Variants in ELMO1 observed in about 807,000 individuals in gnomAD.
The protein encoded by ELMO1 is engulfment and cell motility 1, also known as engulfment and cell motility protein 1.
ELMO1 carries 26 observed loss-of-function variants against 98.9 expected under a neutral mutation model. The ratio of observed to expected loss-of-function variants is 0.26; its 90% CI spans 0.19 to 0.36. The LOEUF (loss-of-function observed/expected upper bound fraction) is 0.36, where lower values mean the gene tolerates loss of function less well. ELMO1 is among the 10% of genes least tolerant of loss of function. The pLI is 1.00. For synonymous variants in ELMO1, 346 were observed against 346.0 expected (o/e 1.00, Z 0.00); for missense variants, 627 against 935.2 (o/e 0.67, Z 4.30).
chr7:36,973,759 G>C (rs1044296786), intron 16 of ELMO1, among the ~76,000 whole-genome samples: 1 of 152,192 alleles, frequency 6.6e-6, no homozygotes, highest in African/African-American at 2.4e-5. Flanking sequence ...AGGCGCGAGC[G>C]GGAACCGGGG....
chr7:37,111,016 A>G (rs1486379361), intron 14 of ELMO1, among the ~76,000 whole-genome samples: 1 of 152,026 alleles, frequency 6.6e-6, no homozygotes, highest in Non-Finnish European at 1.5e-5. Flanking sequence ...TCATTCTCCT[A>G]CCCCGTTTAC....
At chr7:37,364,064 C>A (rs1219006459) in intron 1 of ELMO1, among the ~76,000 whole-genome samples, 1 of 152,198 alleles carries the variant, frequency 6.6e-6, no homozygotes, top group Non-Finnish European at 1.5e-5. Flanking sequence ...GGCCTTAGGC[C>A]TCTCTGACAT....
At chr7:37,155,499 A>ATT (rs1554427429) in intron 13 of ELMO1, among the ~76,000 whole-genome samples, 39 of 131,786 alleles carry the variant, frequency 3.0e-4, no homozygotes, top group African/African-American at 8.8e-4. Context: ...AAAAAAAAAA[A>ATT]AAAAAAAAAG....
rs1563087905 is a variant in ELMO1, at chr7:37,225,005, G to A, written c.575C>T (p.Ala192Val). Residue 192 changes from alanine (A) to valine (V), a missense_variant, in exon 9 of 22, where the codon GCC becomes GTC. Ala to Val is a moderately conservative substitution (Grantham distance 64). This residue lies in a region of ELMO1 where 492 missense variants were observed against 715.6 expected (regional missense o/e 0.69). Transcript: ENST00000310758. ...CCGCTGCAGGATCGAGATGTCTATG[G>A]CTGACTTGTTCACAAAACTTGCTAT... The part of the protein sequence containing the change: ...KKIASFVNKS[A>V]IDISILQRSL... The A allele has an allele frequency of 6.2e-7, 1 of 1,614,092 alleles. No individual in the cohort carries two copies. The highest frequency in any genetic ancestry group is 1.7e-5 in the Admixed American group (1 of 60,014).
chr7:36,964,781 C>A lies in ELMO1; in HGVS notation c.1437+48518G>T, dbSNP rs115718980. ...CAAATGAACCTGCGCATACACAACG[C>A]ATACGTGAGTTACCACAAAGCCATT... is the stretch of plus-strand genomic sequence containing the variant. On this transcript the variant is annotated intron_variant, in intron 16 of 21. Transcript: ENST00000310758. 4.3e-3 allele frequency among the ~76,000 whole-genome samples: 649 copies of A among 152,286 alleles called. 11 individuals are homozygous for A. Among genetic ancestry groups the A allele is most frequent in the African/African-American group, 0.015 (619 of 41,554 alleles).
At chr7:36,909,564 A>C (rs1784202685) in intron 16 of ELMO1, among the ~76,000 whole-genome samples, 1 of 152,244 alleles carries the variant, frequency 6.6e-6, no homozygotes, top group Admixed American at 6.5e-5. Context: ...TGATCATTTA[A>C]ATTAATTGGT....
At chr7:37,238,908 C>G (rs992714910) in intron 7 of ELMO1, among the ~76,000 whole-genome samples, 1 of 152,078 alleles carries the variant, frequency 6.6e-6, no homozygotes, top group African/African-American at 2.4e-5. Flanking sequence ...GGTATTATCC[C>G]TTTAACATAT....
chr7:37,119,097 TG>T (rs1047371381), intron 14 of ELMO1, among the ~76,000 whole-genome samples: 5 of 151,998 alleles, frequency 3.3e-5, no homozygotes, highest in Admixed American at 1.3e-4. Context: ...CTCAGAGGGG[TG>T]GTGCAAGAAA....
chr7:37,048,891 A>T (rs907944489), intron 15 of ELMO1, among the ~76,000 whole-genome samples: 5 of 152,104 alleles, frequency 3.3e-5, no homozygotes, highest in African/African-American at 1.2e-4. Context: ...GTTGAATTAC[A>T]TTTCTTGATG....
chr7:37,433,883 C>T (rs933840158), intron 1 of ELMO1, among the ~76,000 whole-genome samples: 1 of 152,122 alleles, frequency 6.6e-6, no homozygotes, highest in African/African-American at 2.4e-5. Flanking sequence ...CTCATCTCCC[C>T]TCCTCATCAG....
chr7:37,432,074 T>C lies in ELMO1; in HGVS notation c.-74+16601A>G, dbSNP rs1389421736. 2.6e-5 allele frequency among the ~76,000 whole-genome samples: 4 copies of C among 152,116 alleles called. No homozygotes were observed. The East Asian group carries it at 7.7e-4, about 29-fold the overall frequency. The stretch of plus-strand genomic sequence containing the variant: ...TTTTGTATTTTTAGTAGAGAAGGGA[T>C]TTCTCCATGTTGGTCAGGCTGGTCT... On this transcript the variant is annotated intron_variant, in intron 1 of 21. Coordinates refer to ENST00000310758, the MANE Select transcript of ELMO1 (RefSeq NM_014800.11).
chr7:37,105,251 A>C (rs1413769585), intron 14 of ELMO1, among the ~76,000 whole-genome samples: 1 of 152,192 alleles, frequency 6.6e-6, no homozygotes, highest in East Asian at 1.9e-4. Flanking sequence ...CAGCAGGATG[A>C]CTTCTGTTTG....
At chr7:37,406,374 T>G (rs12530494) in intron 1 of ELMO1, among the ~76,000 whole-genome samples, 35,087 of 151,288 alleles carry the variant, frequency 0.23, 4,295 homozygotes, top group East Asian at 0.41. Flanking sequence ...AGGGGCATAA[T>G]GCAATGAAAC....
At chr7:37,335,560 T>C (rs1800356039) in intron 2 of ELMO1, among the ~76,000 whole-genome samples, 1 of 152,124 alleles carries the variant, frequency 6.6e-6, no homozygotes, top group Non-Finnish European at 1.5e-5. Context: ...TCCATGTCTA[T>C]TTTTTTAAAC....
At chr7:37,110,432 C>T (rs189166888) in intron 14 of ELMO1, among the ~76,000 whole-genome samples, 196 of 152,274 alleles carry the variant, frequency 1.3e-3, no homozygotes, top group African/African-American at 3.6e-3. Context: ...GCAACTTTTA[C>T]GCTGATTTGC....
At chr7:36,996,562 C>T (rs888658539) in intron 16 of ELMO1, among the ~76,000 whole-genome samples, 5 of 152,020 alleles carry the variant, frequency 3.3e-5, no homozygotes, top group African/African-American at 9.7e-5. Context: ...CTCAAGGTAG[C>T]CATGAGGTGG....
chr7:37,408,083 T>C (rs965048364), intron 1 of ELMO1, among the ~76,000 whole-genome samples: 6 of 152,224 alleles, frequency 3.9e-5, no homozygotes, highest in African/African-American at 1.4e-4. Context: ...AATAAACATA[T>C]ACAGTAGCAT....
At chr7:36,971,262 T>C (rs1789924748) in intron 16 of ELMO1, among the ~76,000 whole-genome samples, 3 of 152,236 alleles carry the variant, frequency 2.0e-5, no homozygotes, top group Admixed American at 6.5e-5. Context: ...AGGTGCTTTG[T>C]GGAGGCGAGA....
intron 14 of ELMO1, among the ~76,000 whole-genome samples, chr7:37,120,725 C>G (rs1785955191): frequency 6.6e-6 from 1 of 152,188 alleles, no homozygotes; most frequent in African/African-American, 2.4e-5. Flanking sequence ...CAAAAGGCAG[C>G]AGAAATCTCC....
Sources: gnomAD v4.1 joint callset for allele counts (sites outside exome capture counted in the v4.1 genomes callset) on GRCh38, gnomAD v4.1.1 for gene constraint, gnomAD v4.1.1 regional missense constraint, MANE v1.5 for transcripts, NCBI Gene and HGNC (gene_info 2026-07-23, HGNC 2026-07-21) for gene names.